DPY19L4: variants seen among roughly 807,000 people sequenced by gnomAD.
DPY19L4 encodes probable C-mannosyltransferase DPY19L4.
In DPY19L4, 97 loss-of-function variants were observed where a neutral mutation model predicts 102.8. The observed-to-expected ratio is 0.94, with a 90% CI of 0.80 to 1.12. The LOEUF (loss-of-function observed/expected upper bound fraction) is 1.12, where lower values mean the gene tolerates loss of function less well. DPY19L4 is among the 50% of genes most tolerant of loss of function. The probability of loss-of-function intolerance (pLI) is 0.00; values close to 1 mark genes in which losing one functional copy is unlikely to be tolerated. For missense variants in DPY19L4, 815 were observed against 850.4 expected, an observed-to-expected ratio of 0.96 and a Z score of 0.52; for synonymous variants, 252 against 283.1, an observed-to-expected ratio of 0.89 and a Z score of 1.10.
At chr8:94,789,347 G>A (rs1042181691) in intron 18 of DPY19L4, among the ~76,000 whole-genome samples, 2 of 152,054 alleles carry the variant, frequency 1.3e-5, no homozygotes, top group Admixed American at 6.6e-5. Flanking sequence ...ACTAAGTCAC[G>A]AAAGTTTCCT....
At chr8:94,723,342 G>A (rs1259809010) in intron 1 of DPY19L4, among the ~76,000 whole-genome samples, 8 of 152,028 alleles carry the variant, frequency 5.3e-5, no homozygotes, top group Admixed American at 5.2e-4. Flanking sequence ...GCGTAGTGGC[G>A]GATGCCTGTA....
At chr8:94,780,832 G>A (rs74729454) in intron 15 of DPY19L4, among the ~76,000 whole-genome samples, 7,560 of 152,082 alleles carry the variant, frequency 0.05, 488 homozygotes, top group African/African-American at 0.15. Flanking sequence ...GTTTGGTAAT[G>A]ATAAAATTAT....
chr8:94,742,613 C>T (rs1471902271), intron 6 of DPY19L4, among the ~76,000 whole-genome samples: 1 of 146,894 alleles, frequency 6.8e-6, no homozygotes, highest in African/African-American at 2.5e-5. Context: ...GGCTGGAGTG[C>T]AGTGGCGCGA....
intron 14 of DPY19L4, among the ~76,000 whole-genome samples, chr8:94,779,335 C>CT (rs1813328564): frequency 8.3e-6 from 1 of 120,510 alleles, no homozygotes; most frequent in African/African-American, 3.2e-5. Flanking sequence ...TTTTTTTTTT[C>CT]TTTTTGAGAC....
intron 14 of DPY19L4, 91 bp downstream of exon 14, chr8:94,777,877 T>A: frequency 7.2e-7 from 1 of 1,393,918 alleles, no homozygotes; most frequent in South Asian, 1.4e-5. Context: ...TGAAATAGCA[T>A]GAGTAAATTA....
At chr8:94,753,767 G>T (rs1415657521) in intron 6 of DPY19L4, among the ~76,000 whole-genome samples, 1 of 152,146 alleles carries the variant, frequency 6.6e-6, no homozygotes, top group Non-Finnish European at 1.5e-5. Context: ...AGGTACTCAG[G>T]AGGCTGAGGC....
rs568816207 is a variant in DPY19L4, at chr8:94,753,244, ATAAG to A, written c.612-2789_612-2786del. On this transcript the variant is annotated intron_variant, in intron 6 of 18. Transcript: ENST00000414645. ...ATAATAAAATATTTTTCAAAAAAGAATAAGTATGAAGAAGGGAAAACATGCAAAA... is the reference window on the plus strand; with the variant it reads ...ATAATAAAATATTTTTCAAAAAAGAATATGAAGAAGGGAAAACATGCAAAA... Among the ~76,000 whole-genome samples, 315 of 152,322 alleles carry A rather than the reference ATAAG, an allele frequency of 2.1e-3. 1 individual carries two copies. Among genetic ancestry groups the A allele is most frequent in the African/African-American group, 7.3e-3 (302 of 41,590 alleles).
chr8:94,730,671 G>C (rs2130795993), intron 2 of DPY19L4, among the ~76,000 whole-genome samples: 1 of 150,864 alleles, frequency 6.6e-6, no homozygotes, highest in South Asian at 2.1e-4. Flanking sequence ...CTTGAACCCA[G>C]GAGGCAGAGG....
chr8:94,728,808 T>C (rs1403753639), intron 2 of DPY19L4, among the ~76,000 whole-genome samples: 1 of 152,184 alleles, frequency 6.6e-6, no homozygotes, highest in Non-Finnish European at 1.5e-5. Flanking sequence ...GGGTTTAGAA[T>C]AGAATTGGAC....
chr8:94,743,552 G>A (rs1811539842), intron 6 of DPY19L4, among the ~76,000 whole-genome samples: 1 of 152,110 alleles, frequency 6.6e-6, no homozygotes, highest in African/African-American at 2.4e-5. Flanking sequence ...GCTGAGGCAG[G>A]AGGATCACTT....
intron 2 of DPY19L4, among the ~76,000 whole-genome samples, chr8:94,734,377 A>T (rs1030438216): frequency 1.3e-5 from 2 of 152,004 alleles, no homozygotes; most frequent in Non-Finnish European, 2.9e-5. Context: ...ACCACATGAC[A>T]TTTGGTTATT....
chr8:94,788,980 T>C (rs1813778433), intron 18 of DPY19L4, among the ~76,000 whole-genome samples: 1 of 152,226 alleles, frequency 6.6e-6, no homozygotes, highest in Non-Finnish European at 1.5e-5. Flanking sequence ...TTATGGTACA[T>C]GTATTTTGAA....
chr8:94,723,303 C>T (rs1173240219), intron 1 of DPY19L4, among the ~76,000 whole-genome samples: 1 of 152,110 alleles, frequency 6.6e-6, no homozygotes. Flanking sequence ...AAACCCCTGT[C>T]TCTACTAAAA....
intron 13 of DPY19L4, among the ~76,000 whole-genome samples, chr8:94,774,430 G>T (rs1043827758): frequency 3.9e-5 from 6 of 152,208 alleles, no homozygotes; most frequent in Middle Eastern, 3.4e-3. Flanking sequence ...ATACAATTCA[G>T]CAGTGTTTAG....
chr8:94,738,737 C>T (rs1374903175), intron 4 of DPY19L4, among the ~76,000 whole-genome samples: 1 of 151,960 alleles, frequency 6.6e-6, no homozygotes, highest in Non-Finnish European at 1.5e-5. Flanking sequence ...TGGTCTCGAA[C>T]TCTTGACCTC....
At chr8:94,727,524 G>C (rs990048486) in intron 2 of DPY19L4, among the ~76,000 whole-genome samples, 26 of 152,168 alleles carry the variant, frequency 1.7e-4, no homozygotes, top group Admixed American at 6.5e-5. Flanking sequence ...ATAAGCCACC[G>C]TGCCCAGCCT....
At chr8:94,755,060 T>C (rs1478822337) in intron 6 of DPY19L4, among the ~76,000 whole-genome samples, 1 of 152,196 alleles carries the variant, frequency 6.6e-6, no homozygotes, top group African/African-American at 2.4e-5. Flanking sequence ...ATTGCTAGGA[T>C]TACAGGCATG....
chr8:94,767,038 C>G (rs116343307), intron 11 of DPY19L4, among the ~76,000 whole-genome samples: 1,520 of 151,076 alleles, frequency 0.01, 25 homozygotes, highest in African/African-American at 0.035. Flanking sequence ...CCAGTGCACC[C>G]CAGCCTGGGC....
chr8:94,764,717 A>ATTTTTTTTTT (rs869220296), intron 8 of DPY19L4, among the ~76,000 whole-genome samples: 6 of 29,326 alleles, frequency 2.0e-4, no homozygotes, highest in Admixed American at 7.2e-4. Flanking sequence ...ATATATATAT[A>ATTTTTTTTTT]TTTTTTTTTT....
Sources: allele counts gnomAD v4.1 joint callset (sites outside exome capture counted in the v4.1 genomes callset), GRCh38; gene constraint gnomAD v4.1.1; transcripts MANE v1.5; gene names NCBI Gene and HGNC (gene_info 2026-07-23, HGNC 2026-07-21).